Variants in AK9 observed in about 807,000 individuals in gnomAD.
The protein encoded by AK9 is adenylate kinase 9, also known as adenylate kinase domain containing 1.
A neutral mutation model predicts 239.6 loss-of-function variants in AK9; 191 were observed. The ratio of observed to expected loss-of-function variants is 0.80; its 90% CI spans 0.71 to 0.90. The LOEUF (loss-of-function observed/expected upper bound fraction) is 0.90, where lower values mean the gene tolerates loss of function less well. Among genes scored for constraint, AK9 ranks in the 40% least tolerant of loss-of-function variants. The probability of loss-of-function intolerance (pLI) is 0.00; values close to 1 mark genes in which losing one functional copy is unlikely to be tolerated. For missense variants in AK9, 1,995 were observed against 2,214.7 expected (o/e 0.90, Z 1.99); for synonymous variants, 689 against 721.0 (o/e 0.96, Z 0.71).
chr6:109,619,365 G>T, intron 12 of AK9, 129 bp from the exon 13 acceptor site: 2 of 1,049,778 alleles, frequency 1.9e-6, no homozygotes, highest in East Asian at 3.1e-5. Context: ...ACTGCTTGAG[G>T]TATATTTGGA....
intron 5 of AK9, among the ~76,000 whole-genome samples, chr6:109,671,433 A>T (rs1298736732): frequency 2.0e-5 from 3 of 152,208 alleles, no homozygotes; most frequent in African/African-American, 7.2e-5. Context: ...CCATTTGAGT[A>T]CCAGGAGAGG....
chr6:109,687,889 C>T (rs560209237), intron 1 of AK9, among the ~76,000 whole-genome samples: 7 of 152,206 alleles, frequency 4.6e-5, no homozygotes, highest in Non-Finnish European at 7.3e-5. Flanking sequence ...ATTTGTATCT[C>T]AGAAAGCATC....
At chr6:109,597,680 A>ATT (rs34197466) in intron 17 of AK9, among the ~76,000 whole-genome samples, 8 of 151,278 alleles carry the variant, frequency 5.3e-5, no homozygotes, top group South Asian at 2.1e-4. Context: ...CTCAAAAAAA[A>ATT]TTTTTTTTTA....
At chr6:109,500,226 CAAACATTTATCCA>C (rs2115420268) in intron 35 of AK9, among the ~76,000 whole-genome samples, 1 of 152,072 alleles carries the variant, frequency 6.6e-6, no homozygotes, top group South Asian at 2.1e-4. Context: ...AGAAGGAAAA[CAAACATTTATCCA>C]AAAGTGATTG....
chr6:109,649,825 C>T (rs1798650488), intron 8 of AK9, among the ~76,000 whole-genome samples: 1 of 152,204 alleles, frequency 6.6e-6, no homozygotes, highest in Admixed American at 6.5e-5. Context: ...CGCTACCTGA[C>T]TTCAAACTAT....
chr6:109,595,924 A>G (rs1790965820), intron 17 of AK9, among the ~76,000 whole-genome samples: 1 of 152,220 alleles, frequency 6.6e-6, no homozygotes, highest in South Asian at 2.1e-4. Context: ...TGGGTGCAGC[A>G]AACCACCATG....
chr6:109,656,127 T>C (rs1229254546), intron 8 of AK9, among the ~76,000 whole-genome samples: 2 of 152,202 alleles, frequency 1.3e-5, no homozygotes, highest in African/African-American at 2.4e-5. Flanking sequence ...GTTCAATAAA[T>C]GTTTGTTGAC....
chr6:109,563,934 G>A, intron 23 of AK9, 146 bp downstream of exon 23: 1 of 1,027,312 alleles, frequency 9.7e-7, no homozygotes, highest in Non-Finnish European at 1.4e-6. Flanking sequence ...GACCTGCACA[G>A]TGATAGTTGC....
intron 29 of AK9, among the ~76,000 whole-genome samples, chr6:109,525,121 A>G (rs530807690): frequency 6.6e-6 from 1 of 152,260 alleles, no homozygotes; most frequent in East Asian, 1.9e-4. Flanking sequence ...TTTACTAGGG[A>G]GTCATTTCCC....
At position 109,593,735 on chromosome 6, in the gene AK9, A is replaced by G. The variant is rs148800747; in HGVS notation, c.1843-7663T>C. Among the ~76,000 whole-genome samples, 706 of 152,338 alleles carry G rather than the reference A, an allele frequency of 4.6e-3. 22 individuals are homozygous for G. The East Asian group carries it at 0.079, about 17-fold the overall frequency. ...AAACACAAATCAATAAACGTAATCC[A>G]TCACATAAACAGAACCAATGACAAA... On this transcript the variant is annotated intron_variant, in intron 17 of 40. Transcript: ENST00000424296.
intron 8 of AK9, among the ~76,000 whole-genome samples, chr6:109,647,122 C>A (rs1798170334): frequency 6.6e-6 from 1 of 152,120 alleles, no homozygotes; most frequent in Non-Finnish European, 1.5e-5. Context: ...CAGTAACAGT[C>A]ACTGAAAAAA....
At chr6:109,648,906 C>T (rs1334810858) in intron 8 of AK9, among the ~76,000 whole-genome samples, 4 of 152,180 alleles carry the variant, frequency 2.6e-5, no homozygotes, top group African/African-American at 9.7e-5. Context: ...ATCAAGTGGG[C>T]TTCATCCCTG....
chr6:109,651,530 A>G (rs1022163316), intron 8 of AK9, among the ~76,000 whole-genome samples: 1 of 152,172 alleles, frequency 6.6e-6, no homozygotes, highest in Non-Finnish European at 1.5e-5. Context: ...AGAGCAAACA[A>G]ATTCAAAAGC....
intron 1 of AK9, among the ~76,000 whole-genome samples, chr6:109,680,605 C>T (rs551158021): frequency 2.4e-4 from 36 of 152,278 alleles, no homozygotes; most frequent in African/African-American, 7.9e-4. Context: ...ATACAGAGAA[C>T]ACCATGAAGA....
chr6:109,660,942 C>A (rs373699789), intron 6 of AK9: 3 of 507,638 alleles, frequency 5.9e-6, no homozygotes, highest in Admixed American at 2.0e-5. Flanking sequence ...TTTGGTAGCA[C>A]AGAATCCTTT....
intron 23 of AK9, 39 bp downstream of exon 23, chr6:109,564,041 C>G (rs756356106): frequency 1.3e-6 from 2 of 1,485,732 alleles, no homozygotes; most frequent in South Asian, 2.5e-5. Flanking sequence ...AATACTATCA[C>G]CTGCTGTTGA....
chr6:109,676,809 A>C (rs1319787119), intron 1 of AK9, among the ~76,000 whole-genome samples: 1 of 152,098 alleles, frequency 6.6e-6, no homozygotes, highest in Non-Finnish European at 1.5e-5. Context: ...GCTCATCACA[A>C]CACTACTCAC....
At chr6:109,678,045 C>T (rs984744129) in intron 1 of AK9, among the ~76,000 whole-genome samples, 31 of 152,114 alleles carry the variant, frequency 2.0e-4, no homozygotes, top group Middle Eastern at 3.2e-3. Flanking sequence ...ATATGACTAG[C>T]CATTGCACTT....
At chr6:109,624,685 G>C (rs917527256) in intron 12 of AK9, among the ~76,000 whole-genome samples, 1 of 152,072 alleles carries the variant, frequency 6.6e-6, no homozygotes, top group Non-Finnish European at 1.5e-5. Flanking sequence ...ATGTCCCTTC[G>C]TGTAGGTCTT....
Sources: gnomAD v4.1 joint callset for allele counts (sites outside exome capture counted in the v4.1 genomes callset) on GRCh38, gnomAD v4.1.1 for gene constraint, MANE v1.5 for transcripts, NCBI Gene and HGNC (gene_info 2026-07-23, HGNC 2026-07-21) for gene names.